The following C9 variants were observed in gnomAD, a reference collection of about 807,000 sequenced individuals.
The protein encoded by C9 is complement component C9.
C9 carries 63 observed loss-of-function variants against 65.4 expected under a neutral mutation model. The ratio of observed to expected loss-of-function variants is 0.96; its 90% confidence interval spans 0.79 to 1.19. The LOEUF (loss-of-function observed/expected upper bound fraction) is 1.19, where lower values mean the gene tolerates loss of function less well. Ranked by LOEUF, C9 falls within the 50% of genes most tolerant of loss-of-function variation. The pLI, the probability that C9 is intolerant of heterozygous loss-of-function variation, is 0.00. For synonymous variants in C9, 229 were observed against 227.9 expected, an observed-to-expected ratio of 1.00 and a Z score of -0.04; for missense variants, 744 against 670.1, an observed-to-expected ratio of 1.11 and a Z score of -1.22.
chr5:39,344,362 C>G (rs1754149879), intron 1 of C9, among the ~76,000 whole-genome samples: 1 of 152,150 alleles, frequency 6.6e-6, no homozygotes, highest in Non-Finnish European at 1.5e-5. Context: ...GGCACGAGAA[C>G]TACGTGATGA....
chr5:39,362,001 G>T (rs994566229), intron 1 of C9, among the ~76,000 whole-genome samples: 1 of 152,042 alleles, frequency 6.6e-6, no homozygotes, highest in Non-Finnish European at 1.5e-5. Context: ...TTAAATACCT[G>T]GCATTTATTA....
At chr5:39,355,415 C>T (rs1395226683) in intron 1 of C9, among the ~76,000 whole-genome samples, 2 of 152,014 alleles carry the variant, frequency 1.3e-5, no homozygotes, top group Non-Finnish European at 2.9e-5. Context: ...ACTATGTGTA[C>T]ACTTATTTAC....
rs1389473177 is a variant in C9 at position 39,308,485 on chromosome 5, T to TGCC, written c.1112-130_1112-128dup. The TGCC allele has an allele frequency of 1.2e-5, 9 of 727,016 alleles. No individual in the cohort carries two copies. In the Admixed American group the frequency reaches 1.4e-4, roughly 11 times the overall value. 45.0% of individuals were successfully genotyped at this position (727,016 alleles called of 1,614,324 possible). Reference sequence around the variant, plus strand: ...TATACACCATGACTAAATTCAAATGTGCCATCATGTCTGTCCTGCTTTGTC... The same window carrying TGCC: ...TATACACCATGACTAAATTCAAATGTGCCGCCATCATGTCTGTCCTGCTTTGTC... On this transcript the variant is annotated intron_variant, in intron 7 of 10. Coordinates refer to ENST00000263408, the MANE Select transcript of C9 (RefSeq NM_001737.5).
chr5:39,289,867 T>C (rs1753057801), intron 9 of C9, among the ~76,000 whole-genome samples: 1 of 151,874 alleles, frequency 6.6e-6, no homozygotes, highest in Non-Finnish European at 1.5e-5. Context: ...GGAAAAAATT[T>C]CCTGAGCCCC....
At chr5:39,354,657 A>C (rs114914834) in intron 1 of C9, among the ~76,000 whole-genome samples, 1,836 of 152,350 alleles carry the variant, frequency 0.012, 36 homozygotes, top group African/African-American at 0.042. Context: ...CAAGCTGAAC[A>C]AAACAGAAAT....
At chr5:39,362,104 A>G (rs1754532534) in intron 1 of C9, among the ~76,000 whole-genome samples, 1 of 152,222 alleles carries the variant, frequency 6.6e-6, no homozygotes, top group Non-Finnish European at 1.5e-5. Flanking sequence ...GACAGATGCT[A>G]TCATTACCAT....
At chr5:39,313,176 C>T (rs957111470) in intron 6 of C9, among the ~76,000 whole-genome samples, 5 of 152,282 alleles carry the variant, frequency 3.3e-5, no homozygotes, top group African/African-American at 1.2e-4. Flanking sequence ...CCTCGCTTGC[C>T]TGACCAGCCA....
intron 10 of C9, among the ~76,000 whole-genome samples, chr5:39,288,040 C>T (rs1299342413): frequency 1.3e-5 from 2 of 151,766 alleles, no homozygotes; most frequent in Admixed American, 6.6e-5. Context: ...AATACAGAAT[C>T]TCAGCTTTCA....
At chr5:39,295,969 C>T (rs1477019110) in intron 9 of C9, among the ~76,000 whole-genome samples, 2 of 151,646 alleles carry the variant, frequency 1.3e-5, no homozygotes, top group African/African-American at 4.8e-5. Context: ...CTAGGAAAAA[C>T]TGATTGTCCA....
chr5:39,295,961 A>G (rs1753178462), intron 9 of C9, among the ~76,000 whole-genome samples: 1 of 151,788 alleles, frequency 6.6e-6, no homozygotes, highest in African/African-American at 2.4e-5. Flanking sequence ...AAATTGTGCT[A>G]GGAAAAACTG....
chr5:39,351,157 G>T (rs1023624512), intron 1 of C9, among the ~76,000 whole-genome samples: 5 of 152,134 alleles, frequency 3.3e-5, no homozygotes, highest in African/African-American at 1.2e-4. Context: ...GCCCCTTTTA[G>T]GCACAGTTGG....
At chr5:39,287,764 G>A (rs1288710708) in intron 10 of C9, among the ~76,000 whole-genome samples, 1 of 151,936 alleles carries the variant, frequency 6.6e-6, no homozygotes, top group Non-Finnish European at 1.5e-5. Flanking sequence ...ATAAGTGGGA[G>A]CTGAACAATG....
At chr5:39,352,632 C>T (rs1365189447) in intron 1 of C9, among the ~76,000 whole-genome samples, 2 of 152,186 alleles carry the variant, frequency 1.3e-5, no homozygotes, top group African/African-American at 4.8e-5. Context: ...GATTCTCAAA[C>T]CCATCCATTC....
chr5:39,285,210 T>C lies in C9; in HGVS notation c.1669A>G (p.Asn557Asp), dbSNP rs1437983808. ...SEGLPALEFP[N>D]EK ...AGAAGCCAACAGCTCTATTTTTCAT[T>C]GGGGAACTCTAGGGCTGGCAATCCT... Residue 557 changes from asparagine to aspartate, a missense_variant, in exon 11 of 11, where the codon AAT becomes GAT. Transcript: ENST00000263408. 1 of 1,612,982 alleles carries C rather than the reference T, an allele frequency of 6.2e-7. No individual in the cohort carries two copies. The highest frequency in any genetic ancestry group is 8.5e-7 in the Non-Finnish European group (1 of 1,179,082).
intron 9 of C9, among the ~76,000 whole-genome samples, chr5:39,301,724 TGAAATTCTTTA>T (rs1753287401): frequency 6.6e-6 from 1 of 151,712 alleles, no homozygotes; most frequent in Non-Finnish European, 1.5e-5. Flanking sequence ...CCATTAAAGA[TGAAATTCTTTA>T]GTGGGAGAAG....
chr5:39,321,821 G>C (rs1070276), intron 5 of C9, among the ~76,000 whole-genome samples: 2,828 of 152,106 alleles, frequency 0.019, 95 homozygotes, highest in African/African-American at 0.065. Context: ...TAAATTTCTA[G>C]ACACCCAACA....
intron 6 of C9, among the ~76,000 whole-genome samples, chr5:39,315,002 A>G (rs911586523): frequency 6.6e-6 from 1 of 152,212 alleles, no homozygotes; most frequent in Non-Finnish European, 1.5e-5. Flanking sequence ...TCACAATTAA[A>G]TATTTGTTGA....
intron 9 of C9, among the ~76,000 whole-genome samples, chr5:39,293,826 A>C (rs2111847071): frequency 6.6e-6 from 1 of 152,024 alleles, no homozygotes; most frequent in East Asian, 1.9e-4. Context: ...AGTCTCGAAA[A>C]AATTTTACAA....
intron 1 of C9, among the ~76,000 whole-genome samples, chr5:39,350,060 C>T (rs376706528): frequency 6.6e-6 from 1 of 152,176 alleles, no homozygotes; most frequent in East Asian, 1.9e-4. Flanking sequence ...GATTGACTCA[C>T]AGTTCCACAG....
Sources: gnomAD v4.1 joint callset for allele counts (sites outside exome capture counted in the v4.1 genomes callset) on GRCh38, gnomAD v4.1.1 for gene constraint, MANE v1.5 for transcripts, NCBI Gene and HGNC (gene_info 2026-07-23, HGNC 2026-07-21) for gene names.